CAPN1: variants seen among roughly 807,000 people sequenced by gnomAD.
The protein encoded by CAPN1 is calpain 1.
A neutral mutation model predicts 105.2 loss-of-function variants in CAPN1; 77 were observed. The ratio of observed to expected loss-of-function variants is 0.73; its 90% CI spans 0.61 to 0.88. The LOEUF is 0.88. CAPN1 is among the 40% of genes least tolerant of loss of function. The probability of loss-of-function intolerance (pLI) is 0.00; values close to 1 mark genes in which losing one functional copy is unlikely to be tolerated. For synonymous variants in CAPN1, 355 were observed against 388.8 expected (o/e 0.91, Z 1.02); for missense variants, 833 against 976.6 (o/e 0.85, Z 1.96).
At chr11:65,181,560 TG>T, upstream of CAPN1, 1 of 405,252 alleles carries the variant, frequency 2.5e-6, no homozygotes, top group South Asian at 1.7e-5. The surrounding 1 kb of genome is among the most constrained non-coding windows in gnomAD (Gnocchi z 4.6). Context: ...AGGGCGCGCG[TG>T]GGGTGCGGCC....
Position 65,205,695 on chromosome 11 carries a change from GTC to G in CAPN1, c.1342-9_1342-8del, listed in dbSNP as rs781201295. 1.5e-5 allele frequency: 25 copies of G among 1,613,374 alleles called. No homozygotes were observed. Among genetic ancestry groups the G allele is most frequent in the Non-Finnish European group, 2.1e-5 (25 of 1,179,528 alleles). On this transcript the variant is annotated splice_polypyrimidine_tract_variant and intron_variant, in intron 11 of 21. Coordinates refer to ENST00000279247, the MANE Select transcript of CAPN1 (RefSeq NM_005186.4). ...CAAACACACATCTCTGACTTCCCCT[GTC>G]TCTCTATTGCAGGTCCCTCCGGAGG...
In CAPN1 at chr11:65,209,500, G is replaced by A. The variant is rs1949012517; in HGVS notation, c.1794+113G>A. Reference sequence around the variant, plus strand: ...ACAGGACAGAGCCATGCGGAGTGTGGACACACAGTGCCCCATGCTCAGATG... The same window carrying A: ...ACAGGACAGAGCCATGCGGAGTGTGAACACACAGTGCCCCATGCTCAGATG... On this transcript the variant is annotated intron_variant, in intron 17 of 21. Transcript: ENST00000279247. The surrounding 1 kb of genome is among the most constrained non-coding windows in gnomAD (Gnocchi z 4.1). The A allele has an allele frequency of 1.1e-6, 1 of 896,730 alleles. No homozygotes were observed. The highest frequency in any genetic ancestry group is 1.8e-6 in the Non-Finnish European group (1 of 552,838). 55.5% of individuals were successfully genotyped at this position (896,730 alleles called of 1,614,324 possible).
At chr11:65,189,131 C>T (rs957256068) in intron 10 of CAPN1, among the ~76,000 whole-genome samples, 2 of 152,108 alleles carry the variant, frequency 1.3e-5, no homozygotes, top group Non-Finnish European at 2.9e-5. Context: ...TCAAGCAATT[C>T]TCCTGCCTTA....
chr11:65,199,165 A>G (rs915778368), intron 10 of CAPN1, among the ~76,000 whole-genome samples: 11 of 152,098 alleles, frequency 7.2e-5, no homozygotes, highest in Non-Finnish European at 1.0e-4. Flanking sequence ...ATTTTTTAGC[A>G]AGGGTCTGTT....
Position 65,208,745 on chromosome 11 carries a change from A to T in CAPN1, c.1729+483A>T. 1 of 238,708 alleles carries T rather than the reference A, an allele frequency of 4.2e-6. No homozygotes were observed. Among genetic ancestry groups the T allele is most frequent in the South Asian group, 5.7e-5 (1 of 17,620 alleles). 14.8% of individuals were successfully genotyped at this position (238,708 alleles called of 1,614,324 possible). On this transcript the variant is annotated intron_variant, in intron 16 of 21. Coordinates refer to ENST00000279247, the MANE Select transcript of CAPN1 (RefSeq NM_005186.4). The surrounding 1 kb of genome is among the most constrained non-coding windows in gnomAD (Gnocchi z 4.1). ...CAGTGAGCTGTGATCACATCAGTGC[A>T]CTCCAGCCTGGGCAACAGAGCAAGA...
chr11:65,211,158 G>T lies in CAPN1; in HGVS notation c.2119-102G>T, dbSNP rs1396467322. ...ACCCCTCCATGAGGTTCCTGAGGTG[G>T]CTCCTGAGACGTGGAGTTGGGGGCT... On this transcript the variant is annotated intron_variant, in intron 21 of 21. Transcript: ENST00000279247. 3.8e-6 allele frequency: 5 copies of T among 1,313,418 alleles called. No homozygotes were observed. In the African/African-American group the frequency reaches 4.3e-5, roughly 11 times the overall value. The allele number at this position is 1,313,418 out of a possible 1,614,324, so 81.4% of individuals were successfully genotyped here. A position where few individuals can be genotyped will look rare whatever the true frequency, so the allele number is the denominator to read the frequency against.
rs757339695 is a variant in CAPN1 at position 65,205,710 on chromosome 11, G to A, written c.1342G>A (p.Val448Ile). ...METIGFAVYE[V>I]PPELVGQPAV... ...GACTTCCCCTGTCTCTCTATTGCAG[G>A]TCCCTCCGGAGGTAGGTGTGGCACC... is the stretch of plus-strand genomic sequence containing the variant. The change falls in exon 12 of 22, where the codon GTC becomes ATC. Residue 448 changes from valine (V) to isoleucine (I), a missense_variant and splice_region_variant. Transcript: ENST00000279247. 1.9e-6 allele frequency: 3 copies of A among 1,613,566 alleles called. No homozygotes were observed. Among genetic ancestry groups the A allele is most frequent in the Admixed American group, 3.3e-5 (2 of 59,994 alleles).
rs747439112 is a variant in CAPN1, at chr11:65,182,940, C to G, written c.239C>G (p.Thr80Ser). 5 of 1,613,220 alleles carry G rather than the reference C, an allele frequency of 3.1e-6. No individual in the cohort carries two copies. The highest frequency in any genetic ancestry group is 4.2e-6 in the Non-Finnish European group (5 of 1,179,628). ...GACCTGGGTCCCAATTCCTCCAAGA[C>G]CTATGGCATCAAGTGGAAGCGTCCC... ...YKDLGPNSSK[T>S]YGIKWKRPTE... Residue 80 changes from threonine (T) to serine (S), a missense_variant, in exon 2 of 22, where the codon ACC becomes AGC. Transcript: ENST00000279247.
In CAPN1 at chr11:65,211,601, C is replaced by T; in HGVS notation, c.*315C>T. 3 of 507,074 alleles carry T rather than the reference C, an allele frequency of 5.9e-6. No homozygotes were observed. The highest frequency in any genetic ancestry group is 1.1e-5 in the Non-Finnish European group (3 of 277,974). 31.4% of individuals were successfully genotyped at this position (507,074 alleles called of 1,614,324 possible). Reference sequence around the variant, plus strand: ...GGGTTTCCCCAGCATCCTGATGTGTCCCCTCTCCCCACTTCAGAGGCCACC... The same window carrying T: ...GGGTTTCCCCAGCATCCTGATGTGTTCCCTCTCCCCACTTCAGAGGCCACC... On this transcript the variant is annotated 3_prime_UTR_variant, in exon 22 of 22. Coordinates refer to ENST00000279247, the MANE Select transcript of CAPN1 (RefSeq NM_005186.4).
intron 14 of CAPN1, among the ~76,000 whole-genome samples, chr11:65,207,725 C>T (rs1948982549): frequency 6.6e-6 from 1 of 151,706 alleles, no homozygotes; most frequent in Non-Finnish European, 1.5e-5. Context: ...CCAGCCTGGC[C>T]AACATGGCAA....
chr11:65,186,932 G>T lies in CAPN1; in HGVS notation c.760-283G>T, dbSNP rs551611290. Among the ~76,000 whole-genome samples, 45 of 152,232 alleles carry T rather than the reference G, an allele frequency of 3.0e-4. No homozygotes were observed. Among genetic ancestry groups the T allele is most frequent in the Non-Finnish European group, 5.7e-4 (39 of 68,048 alleles). ...CACGGCTGTGTGTGTGCACATGCATGTTCGCACAGGTTCTGGTCAGCCCTG... is the reference window on the plus strand; with the variant it reads ...CACGGCTGTGTGTGTGCACATGCATTTTCGCACAGGTTCTGGTCAGCCCTG... On this transcript the variant is annotated intron_variant, in intron 6 of 21. Coordinates refer to ENST00000279247, the MANE Select transcript of CAPN1 (RefSeq NM_005186.4).
In CAPN1 at chr11:65,186,176, T is replaced by C. The variant is rs773301347; in HGVS notation, c.597T>C (p.Asn199=). The C allele has an allele frequency of 1.2e-6, 2 of 1,612,914 alleles. No homozygotes were observed. The highest frequency in any genetic ancestry group is 1.1e-5 in the South Asian group (1 of 90,952). ...GACCTGGAGCTGCCCACAGGGTAAATGGCAGCTACGAGGCCCTGTCAGGGG... is the reference window on the plus strand; with the variant it reads ...GACCTGGAGCTGCCCACAGGGTAAACGGCAGCTACGAGGCCCTGTCAGGGG... The part of the protein sequence containing the change: ...ALLEKAYAKV[N]GSYEALSGGS... Residue 199 remains asparagine, a synonymous_variant, in exon 6 of 22, where the codon AAT becomes AAC. Transcript: ENST00000279247.
rs1411467204 is a variant in CAPN1, at chr11:65,209,876, G to C, written c.1822G>C (p.Val608Leu). ...TGATGGCAATGGGAAGCTGGGCCTG[G>C]TGGAGTTCAACATCCTGTGGAACCG... ...DRDGNGKLGLVEFNILWNRIR... is the reference protein window; with the variant it reads ...DRDGNGKLGLLEFNILWNRIR... Residue 608 changes from valine to leucine, a missense_variant, in exon 18 of 22, where the codon GTG (valine) becomes CTG (leucine). Val to Leu is a conservative substitution (Grantham distance 32). Transcript: ENST00000279247. The surrounding 1 kb of genome is among the most constrained non-coding windows in gnomAD (Gnocchi z 4.1). The C allele has an allele frequency of 6.2e-7, 1 of 1,613,762 alleles. No individual in the cohort carries two copies. The highest frequency in any genetic ancestry group is 8.5e-7 in the Non-Finnish European group (1 of 1,179,868).
chr11:65,191,507 T>C (rs1468902350), intron 10 of CAPN1, among the ~76,000 whole-genome samples: 1 of 152,120 alleles, frequency 6.6e-6, no homozygotes, highest in Non-Finnish European at 1.5e-5. Flanking sequence ...GCTTCCCGAG[T>C]AGCTGGGATT....
At chr11:65,206,213 A>G (rs1948954850) in intron 12 of CAPN1, 2 of 583,388 alleles carry the variant, frequency 3.4e-6, no homozygotes, top group African/African-American at 1.9e-5. Flanking sequence ...GTGTTATTGA[A>G]ACACATGCCT....
At chr11:65,183,091 G>T in intron 2 of CAPN1, 37 bp from the exon 3 acceptor site, 1 of 1,612,886 alleles carries the variant, frequency 6.2e-7, no homozygotes, top group Non-Finnish European at 8.5e-7. Flanking sequence ...TTTCTGGGAG[G>T]GGCTGGCCGA....
Position 65,183,506 on chromosome 11 carries a change from C to T in CAPN1, c.370C>T (p.Leu124Phe), listed in dbSNP as rs370999727. The T allele has an allele frequency of 1.2e-6, 2 of 1,613,768 alleles. No individual in the cohort carries two copies. Among genetic ancestry groups the T allele is most frequent in the African/African-American group, 1.3e-5 (1 of 74,948 alleles). Residue 124 changes from leucine (L) to phenylalanine (F), a missense_variant, in exon 4 of 22, where the codon CTC (leucine) becomes TTC (phenylalanine). Coordinates refer to ENST00000279247, the MANE Select transcript of CAPN1 (RefSeq NM_005186.4). The part of the protein sequence containing the change: ...DCWLLAAIAS[L>F]TLNDTLLHRV... ...CTGGCTCTTGGCGGCCATCGCCTCC[C>T]TCACTCTCAACGACACCCTCCTGCA...
chr11:65,200,110 C>T (rs533804789), intron 10 of CAPN1, among the ~76,000 whole-genome samples: 3 of 151,654 alleles, frequency 2.0e-5, no homozygotes, highest in East Asian at 1.9e-4. Context: ...AGTGCAATGG[C>T]ATAACCTCAG....
At chr11:65,190,722 TTG>T (rs769234124) in intron 10 of CAPN1, among the ~76,000 whole-genome samples, 46,192 of 140,040 alleles carry the variant, frequency 0.33, 7,723 homozygotes, top group Middle Eastern at 0.4. Context: ...GTTTTTGTTT[TTG>T]TTTTTTGAGA....
Sources: allele counts gnomAD v4.1 joint callset (sites outside exome capture counted in the v4.1 genomes callset), GRCh38; gene constraint gnomAD v4.1.1; non-coding constraint Gnocchi (gnomAD v3.1); transcripts MANE v1.5; gene names NCBI Gene and HGNC (gene_info 2026-07-23, HGNC 2026-07-21).